Variants in SDK1 observed in about 807,000 individuals in gnomAD.
The protein encoded by SDK1 is sidekick cell adhesion molecule 1, also known as protein sidekick-1.
Under a neutral mutation model 245.5 loss-of-function variants are expected in SDK1, and 157 were observed. The observed-to-expected ratio is 0.64, with a 90% CI of 0.56 to 0.73. The LOEUF is 0.73. Among genes scored for constraint, SDK1 ranks in the 30% least tolerant of loss-of-function variants. The probability of loss-of-function intolerance (pLI) is 0.00; values close to 1 mark genes in which losing one functional copy is unlikely to be tolerated. For missense variants in SDK1, 3,583 were observed against 3,002.3 expected, an observed-to-expected ratio of 1.19 and a Z score of -4.52; for synonymous variants, 1,647 against 1,278.5, an observed-to-expected ratio of 1.29 and a Z score of -6.15.
intron 1 of SDK1, among the ~76,000 whole-genome samples, chr7:3,536,723 C>T (rs1282651312): frequency 2.6e-5 from 4 of 151,766 alleles, no homozygotes; most frequent in African/African-American, 4.8e-5. Context: ...AAAAACAAAC[C>T]TATGCATTGA....
At chr7:3,838,764 A>AG (rs1422651159) in intron 5 of SDK1, among the ~76,000 whole-genome samples, 4 of 152,178 alleles carry the variant, frequency 2.6e-5, no homozygotes, top group African/African-American at 7.2e-5. Flanking sequence ...GTCCCTCACT[A>AG]GGAGACCATG....
chr7:3,662,041 ATTTTTTTTTT>A (rs572659449), intron 4 of SDK1, among the ~76,000 whole-genome samples: 2 of 125,772 alleles, frequency 1.6e-5, no homozygotes, highest in Non-Finnish European at 3.2e-5. Flanking sequence ...CAACGGTTGT[ATTTTTTTTTT>A]TTTTTTTTTT....
At chr7:3,924,915 C>T in intron 5 of SDK1, among the ~76,000 whole-genome samples, 1 of 152,130 alleles carries the variant, frequency 6.6e-6, no homozygotes, top group Non-Finnish European at 1.5e-5. Flanking sequence ...GGTCTGCCTT[C>T]CTAATAATGG....
chr7:3,634,066 A>T (rs1373432580), intron 2 of SDK1, among the ~76,000 whole-genome samples: 1 of 152,122 alleles, frequency 6.6e-6, no homozygotes, highest in African/African-American at 2.4e-5. Context: ...AATCCAGAGC[A>T]AATGTGTCTA....
chr7:4,035,673 C>G (rs1788155394), intron 17 of SDK1, among the ~76,000 whole-genome samples: 1 of 152,234 alleles, frequency 6.6e-6, no homozygotes, highest in East Asian at 1.9e-4. Flanking sequence ...AAAACTTAAC[C>G]TAGTGGCACT....
At chr7:4,044,165 G>A (rs1562719006) in intron 17 of SDK1, among the ~76,000 whole-genome samples, 1 of 152,200 alleles carries the variant, frequency 6.6e-6, no homozygotes, top group Non-Finnish European at 1.5e-5. Context: ...CAGTTGGGAA[G>A]ATGGCTTCGT....
chr7:4,245,887 GT>G, intron 44 of SDK1, 82 bp downstream of exon 44: 2 of 1,542,974 alleles, frequency 1.3e-6, no homozygotes, highest in East Asian at 2.3e-5. Flanking sequence ...AGGCTGTCTT[GT>G]CCTATTTGAG....
intron 35 of SDK1, among the ~76,000 whole-genome samples, chr7:4,189,324 G>A (rs115655044): frequency 0.022 from 3,338 of 152,208 alleles, 121 homozygotes; most frequent in African/African-American, 0.075. Flanking sequence ...ACCGCCAATC[G>A]CAGCTCAAGG....
chr7:4,257,463 T>A (rs1787705255), intron 44 of SDK1, among the ~76,000 whole-genome samples: 1 of 152,148 alleles, frequency 6.6e-6, no homozygotes, highest in Non-Finnish European at 1.5e-5. Context: ...CATTAAAAAA[T>A]AATAATGTCA....
intron 5 of SDK1, among the ~76,000 whole-genome samples, chr7:3,919,939 C>G (rs1428267291): frequency 3.3e-5 from 5 of 152,098 alleles, no homozygotes; most frequent in Non-Finnish European, 7.3e-5. Flanking sequence ...GAGTAAGCAC[C>G]TGGGCTCTGG....
At position 3,962,727 on chromosome 7, in the gene SDK1, C is replaced by T. The variant is rs1781797424; in HGVS notation, c.1305C>T (p.Tyr435=). The T allele has an allele frequency of 3.7e-6, 6 of 1,613,792 alleles. No individual in the cohort carries two copies. The highest frequency in any genetic ancestry group is 5.1e-6 in the Non-Finnish European group (6 of 1,179,866). ...ISISRLQNPR[Y]KVLASGGLRI... ...TCAGCAGGCTCCAGAATCCTCGATA[C>T]AAAGTGCTCGCCAGCGGAGGCCTGC... is the stretch of plus-strand genomic sequence containing the variant. Residue 435 remains tyrosine, a synonymous_variant, in exon 9 of 45, where the codon TAC becomes TAT. Coordinates refer to ENST00000404826, the MANE Select transcript of SDK1 (RefSeq NM_152744.4).
intron 4 of SDK1, among the ~76,000 whole-genome samples, chr7:3,714,195 A>T (rs1785133662): frequency 6.6e-6 from 1 of 152,198 alleles, no homozygotes; most frequent in African/African-American, 2.4e-5. Context: ...ACTCAGAGGG[A>T]CGGGAAAAAC....
chr7:3,878,118 AT>A (rs1166254322), intron 5 of SDK1, among the ~76,000 whole-genome samples: 4 of 152,234 alleles, frequency 2.6e-5, no homozygotes, highest in Non-Finnish European at 5.9e-5. Context: ...TGAATAAAAC[AT>A]TTTTATAGTC....
chr7:3,799,671 C>T (rs936671825), intron 4 of SDK1, among the ~76,000 whole-genome samples: 1 of 144,702 alleles, frequency 6.9e-6, no homozygotes, highest in Non-Finnish European at 1.5e-5. Flanking sequence ...CGCCACTGCA[C>T]TCCAGCCTGG....
Position 3,645,725 on chromosome 7 carries a change from C to T in SDK1, c.713+3620C>T, listed in dbSNP as rs145428621. ...GGTATCTCTGCATTCCTCGCACCCA[C>T]GGGATTGGTAGCACAAGTCAGATGG... On this transcript the variant is annotated intron_variant, in intron 4 of 44. Transcript: ENST00000404826. Among the ~76,000 whole-genome samples the T allele has an allele frequency of 8.5e-5, 13 of 152,236 alleles. No homozygotes were observed. The East Asian group carries it at 1.7e-3, about 20-fold the overall frequency.
intron 30 of SDK1, 145 bp from the exon 31 acceptor site, chr7:4,158,303 C>G (rs1780897429): frequency 1.6e-6 from 1 of 632,630 alleles, no homozygotes; most frequent in Non-Finnish European, 2.7e-6. Flanking sequence ...AGCCTCCTTG[C>G]TAAGCTGTCT....
intron 2 of SDK1, among the ~76,000 whole-genome samples, chr7:3,626,411 G>A (rs1782122875): frequency 6.6e-6 from 1 of 152,224 alleles, no homozygotes. Flanking sequence ...AGTAGAACAA[G>A]CTATTTTTCT....
chr7:3,835,618 G>C lies in SDK1; in HGVS notation c.847+14035G>C, dbSNP rs192497349. 1.6e-4 allele frequency among the ~76,000 whole-genome samples: 25 copies of C among 152,274 alleles called. 1 individual carries two copies. Among genetic ancestry groups the C allele is most frequent in the African/African-American group, 5.8e-4 (24 of 41,552 alleles). ...TCCTGAACTCTTAGCATAAGTCCCT[G>C]CTTCTGGAAGAATATTCATCTCTCT... On this transcript the variant is annotated intron_variant, in intron 5 of 44. Coordinates refer to ENST00000404826, the MANE Select transcript of SDK1 (RefSeq NM_152744.4).
intron 19 of SDK1, among the ~76,000 whole-genome samples, chr7:4,055,492 G>A (rs990696943): frequency 8.6e-5 from 13 of 152,006 alleles, no homozygotes; most frequent in East Asian, 3.9e-4. Flanking sequence ...ATTCTTCCTG[G>A]AGGTTCTTCA....
Sources: gnomAD v4.1 joint callset for allele counts (sites outside exome capture counted in the v4.1 genomes callset) on GRCh38, gnomAD v4.1.1 for gene constraint, MANE v1.5 for transcripts, NCBI Gene and HGNC (gene_info 2026-07-23, HGNC 2026-07-21) for gene names.